The following SNTG1 variants were observed in gnomAD, a reference collection of about 807,000 sequenced individuals.
The protein encoded by SNTG1 is gamma-1-syntrophin.
In SNTG1, 39 loss-of-function variants were observed where a neutral mutation model predicts 74.7. That is an observed-to-expected ratio of 0.52 (90% CI 0.40 to 0.68). The LOEUF (loss-of-function observed/expected upper bound fraction) is 0.68. Among genes scored for constraint, SNTG1 ranks in the 30% least tolerant of loss-of-function variants. The pLI is 0.00. For synonymous variants in SNTG1, 254 were observed against 217.1 expected (o/e 1.17, Z -1.49); for missense variants, 685 against 609.5 (o/e 1.12, Z -1.30).
chr8:50,395,390 T>A (rs2092714046), intron 3 of SNTG1, among the ~76,000 whole-genome samples: 1 of 152,090 alleles, frequency 6.6e-6, no homozygotes, highest in Admixed American at 6.5e-5. Context: ...TACTATAAGG[T>A]CAGAGTGTGT....
At chr8:50,150,189 C>T (rs1358190728) in intron 1 of SNTG1, among the ~76,000 whole-genome samples, 2 of 152,104 alleles carry the variant, frequency 1.3e-5, no homozygotes, top group African/African-American at 4.8e-5. Flanking sequence ...ATTTGGTTCT[C>T]TGTTTGTCTG....
At chr8:50,644,980 G>A (rs4338122) in intron 13 of SNTG1, among the ~76,000 whole-genome samples, 37,867 of 148,500 alleles carry the variant, frequency 0.25, 5,531 homozygotes, top group African/African-American at 0.4. Flanking sequence ...GGTCTTAAAC[G>A]CGTAGGCTCA....
At chr8:50,693,807 A>T (rs1479905251) in intron 15 of SNTG1, among the ~76,000 whole-genome samples, 1 of 152,210 alleles carries the variant, frequency 6.6e-6, no homozygotes, top group Non-Finnish European at 1.5e-5. Context: ...AACAGTAAGG[A>T]TTTTATAAAT....
chr8:50,691,624 A>C (rs1182782015), intron 15 of SNTG1, among the ~76,000 whole-genome samples: 1 of 152,196 alleles, frequency 6.6e-6, no homozygotes, highest in Non-Finnish European at 1.5e-5. Context: ...ATCAGCTGTT[A>C]GTCTGATGGG....
intron 2 of SNTG1, among the ~76,000 whole-genome samples, chr8:50,291,570 A>C (rs985759837): frequency 6.6e-6 from 1 of 152,164 alleles, no homozygotes; most frequent in Admixed American, 6.6e-5. Flanking sequence ...GGCTAGATCG[A>C]GGAAGACTTT....
rs1000837892 is a variant in SNTG1, at chr8:50,149,648, A to T, written c.-102-22913A>T. 8.5e-5 allele frequency among the ~76,000 whole-genome samples: 13 copies of T among 152,296 alleles called. 1 individual carries two copies. The highest frequency in any genetic ancestry group is 2.9e-4 in the African/African-American group (12 of 41,562). On this transcript the variant is annotated intron_variant, in intron 1 of 18. Coordinates refer to ENST00000642720, the MANE Select transcript of SNTG1 (RefSeq NM_018967.5). ...TCCCAGCACCATTTGTTAAATAGGG[A>T]ATCCTTTCCCCATTTCTTGTTTTTG...
intron 1 of SNTG1, among the ~76,000 whole-genome samples, chr8:50,002,705 A>G: frequency 6.6e-6 from 1 of 152,114 alleles, no homozygotes. Flanking sequence ...ATAACAGAAT[A>G]AAAGTTACCC....
chr8:50,327,379 C>A lies in SNTG1; in HGVS notation c.-27-66833C>A, dbSNP rs149080608. On this transcript the variant is annotated intron_variant, in intron 2 of 18. Transcript: ENST00000642720. ...ACATACACACTAAAGACTATTAAAT[C>A]TTTTTAGAGAGCTAATCCCTTTACT... 4.6e-5 allele frequency among the ~76,000 whole-genome samples: 7 copies of A among 152,190 alleles called. No homozygotes were observed. In the East Asian group the frequency reaches 7.7e-4, roughly 17 times the overall value.
intron 1 of SNTG1, among the ~76,000 whole-genome samples, chr8:49,927,880 G>A (rs115413729): frequency 0.013 from 1,933 of 152,124 alleles, 44 homozygotes; most frequent in African/African-American, 0.042. Flanking sequence ...CACTTTGGGA[G>A]GCTGAGGGGT....
chr8:50,036,365 T>C (rs754878808), intron 1 of SNTG1, among the ~76,000 whole-genome samples: 6 of 152,180 alleles, frequency 3.9e-5, no homozygotes, highest in Non-Finnish European at 7.3e-5. Context: ...TGCTCTCTTT[T>C]CTCTGCTTAA....
At chr8:50,779,769 C>CT (rs951421826) in intron 18 of SNTG1, among the ~76,000 whole-genome samples, 11 of 151,450 alleles carry the variant, frequency 7.3e-5, no homozygotes, top group African/African-American at 2.7e-4. Context: ...AGAGGGCATC[C>CT]TGTCTTGTGC....
chr8:50,658,519 T>C, intron 14 of SNTG1, 73 bp from the exon 15 acceptor site: 1 of 1,103,306 alleles, frequency 9.1e-7, no homozygotes, highest in Non-Finnish European at 1.3e-6. Context: ...TTTTTCACTA[T>C]ATTATGCAAA....
At chr8:50,732,645 C>T (rs2095515655) in intron 17 of SNTG1, among the ~76,000 whole-genome samples, 1 of 151,662 alleles carries the variant, frequency 6.6e-6, no homozygotes, top group South Asian at 2.1e-4. Flanking sequence ...ATAATATTAA[C>T]ATTTTAAGGG....
At chr8:50,217,952 TTAATG>T (rs1261507044) in intron 2 of SNTG1, among the ~76,000 whole-genome samples, 1 of 152,196 alleles carries the variant, frequency 6.6e-6, no homozygotes, top group Non-Finnish European at 1.5e-5. Context: ...TTCCTGGTTC[TTAATG>T]TTGTTAAGTT....
At chr8:50,580,861 G>T (rs1352196254) in intron 12 of SNTG1, among the ~76,000 whole-genome samples, 4 of 152,112 alleles carry the variant, frequency 2.6e-5, no homozygotes, top group Non-Finnish European at 5.9e-5. Flanking sequence ...GAGTGAACAT[G>T]AGCAAAGACA....
intron 2 of SNTG1, among the ~76,000 whole-genome samples, chr8:50,230,901 T>A (rs1299843426): frequency 6.6e-6 from 1 of 150,506 alleles, no homozygotes; most frequent in African/African-American, 2.4e-5. Context: ...AGATAAGTAA[T>A]GTTACATCAC....
intron 1 of SNTG1, among the ~76,000 whole-genome samples, chr8:50,071,086 C>T (rs1424665414): frequency 2.6e-5 from 4 of 152,194 alleles, no homozygotes; most frequent in Non-Finnish European, 5.9e-5. Flanking sequence ...ACTCTGCACT[C>T]TGTTGGCCAA....
chr8:50,782,583 G>C (rs1166486054), intron 18 of SNTG1, among the ~76,000 whole-genome samples: 3 of 151,962 alleles, frequency 2.0e-5, no homozygotes, highest in African/African-American at 7.3e-5. Flanking sequence ...TCTCTGTATT[G>C]GTTATTCTAG....
At chr8:49,962,174 T>C (rs1001489717) in intron 1 of SNTG1, among the ~76,000 whole-genome samples, 1 of 151,986 alleles carries the variant, frequency 6.6e-6, no homozygotes, top group Non-Finnish European at 1.5e-5. Flanking sequence ...CAGGTGACTG[T>C]CTGACCATAA....
Sources: allele counts gnomAD v4.1 joint callset (sites outside exome capture counted in the v4.1 genomes callset), GRCh38; gene constraint gnomAD v4.1.1; transcripts MANE v1.5; gene names NCBI Gene and HGNC (gene_info 2026-07-23, HGNC 2026-07-21).